The following CEP76 variants were observed in gnomAD, a reference collection of about 807,000 sequenced individuals.
The protein encoded by CEP76 is centrosomal protein of 76 kDa.
Under a neutral mutation model 83.3 loss-of-function variants are expected in CEP76, and 55 were observed. The ratio of observed to expected loss-of-function variants is 0.66; its 90% CI spans 0.53 to 0.83. The LOEUF is 0.83. CEP76 is among the 40% of genes least tolerant of loss of function. CEP76 has a pLI of 0.00. For missense variants in CEP76, 694 were observed against 799.5 expected (o/e 0.87, Z 1.59); for synonymous variants, 270 against 274.5 (o/e 0.98, Z 0.16).
intron 9 of CEP76, among the ~76,000 whole-genome samples, chr18:12,679,794 G>T (rs1156684777): frequency 6.6e-6 from 1 of 152,142 alleles, no homozygotes; most frequent in Non-Finnish European, 1.5e-5. Flanking sequence ...CAGGTGTGGT[G>T]GCTCATGCCT....
downstream of CEP76, among the ~76,000 whole-genome samples, chr18:12,669,327 G>A (rs1345619088): frequency 6.6e-6 from 1 of 151,896 alleles, no homozygotes; most frequent in Non-Finnish European, 1.5e-5. Flanking sequence ...GGTCAGGCTG[G>A]TCTCGAACTC....
In CEP76 at chr18:12,678,108, C is replaced by T. The variant is rs1376919708; in HGVS notation, c.1623+1G>A. The T allele has an allele frequency of 6.2e-7, 1 of 1,605,462 alleles. No individual in the cohort carries two copies. On this transcript the variant is annotated splice_donor_variant, in intron 10 of 11. Coordinates refer to ENST00000262127, the MANE Select transcript of CEP76 (RefSeq NM_024899.4). LOFTEE classifies it high-confidence loss of function. The stretch of plus-strand genomic sequence containing the variant: ...ACTACAACTATTTCAGTGTGAATTA[C>T]CTTCCTGTGTTCTGACACCAGGAGC...
At position 12,673,512 on chromosome 18, in the gene CEP76, G is replaced by GAA; in HGVS notation, c.1842-11_1842-10dup. On this transcript the variant is annotated splice_polypyrimidine_tract_variant and intron_variant, in intron 11 of 11. Transcript: ENST00000262127. ...CTTCACAGAAAGGAGATCTATTTAA[G>GAA]AAAAAAAAAATTATTCAATTAAGAA... The GAA allele has an allele frequency of 4.0e-6, 6 of 1,502,728 alleles. No homozygotes were observed. Among genetic ancestry groups the GAA allele is most frequent in the Admixed American group, 2.4e-5 (1 of 42,352 alleles). 93.1% of individuals were successfully genotyped at this position (1,502,728 alleles called of 1,614,324 possible).
At chr18:12,699,272 G>T in intron 3 of CEP76, 69 bp from the exon 4 acceptor site, 1 of 1,130,530 alleles carries the variant, frequency 8.8e-7, no homozygotes, top group Non-Finnish European at 1.3e-6. Flanking sequence ...AAGACATTAG[G>T]AAATAAAAAC....
rs1203758039 is a variant in CEP76 at position 12,697,315 on chromosome 18, G to T, written c.614C>A (p.Thr205Lys). The T allele has an allele frequency of 6.2e-7, 1 of 1,613,704 alleles. No individual in the cohort carries two copies. The highest frequency in any genetic ancestry group is 2.2e-5 in the East Asian group (1 of 44,854). ...CAGAAAATATGATGCTACTAAAGTCGTCTCACCAAATATGTCTGTTTTGAT... is the reference window on the plus strand; with the variant it reads ...CAGAAAATATGATGCTACTAAAGTCTTCTCACCAAATATGTCTGTTTTGAT... ...VLIKTDIFGE[T>K]TLVASYFLEW... The change falls in exon 5 of 12, where the codon ACG becomes AAG. Residue 205 changes from threonine to lysine, a missense_variant. Transcript: ENST00000262127.
chr18:12,670,257 G>A (rs547156583), downstream of CEP76, among the ~76,000 whole-genome samples: 3 of 151,732 alleles, frequency 2.0e-5, no homozygotes, highest in African/African-American at 7.3e-5. Flanking sequence ...TTGAACCTGC[G>A]AGGTGGAGGT....
At chr18:12,698,286 T>C (rs968254821) in intron 4 of CEP76, among the ~76,000 whole-genome samples, 1 of 152,022 alleles carries the variant, frequency 6.6e-6, no homozygotes, top group Admixed American at 6.6e-5. Flanking sequence ...TGGAGTGCAA[T>C]GGGGTGATCT....
At position 12,681,437 on chromosome 18, in the gene CEP76, CAG is replaced by C. The variant is rs143749900; in HGVS notation, c.1123-611_1123-610del. ...AATTTTAAAATTTTTTTTGTATAAA[CAG>C]GGGTCTTACTGTGTTACCCAGGCTG... On this transcript the variant is annotated intron_variant, in intron 8 of 11. Transcript: ENST00000262127. Among the ~76,000 whole-genome samples, 1,398 of 151,682 alleles carry C rather than the reference CAG, an allele frequency of 9.2e-3. 27 individuals are homozygous for C. Among genetic ancestry groups the C allele is most frequent in the African/African-American group, 0.033 (1,346 of 41,394 alleles).
intron 12 of CEP76, among the ~76,000 whole-genome samples, chr18:12,667,485 G>C (rs1416196082): frequency 6.6e-6 from 1 of 152,128 alleles, no homozygotes; most frequent in Non-Finnish European, 1.5e-5. Flanking sequence ...TATTCGGCCA[G>C]GCCGGGTGGC....
At chr18:12,699,696 T>A in intron 3 of CEP76, 134 bp downstream of exon 3, 1 of 571,886 alleles carries the variant, frequency 1.7e-6, no homozygotes, top group Non-Finnish European at 3.0e-6. Flanking sequence ...ACAATCTGTT[T>A]TAGCCAACCA....
At chr18:12,690,957 C>A (rs977912633) in intron 7 of CEP76, among the ~76,000 whole-genome samples, 1 of 147,936 alleles carries the variant, frequency 6.8e-6, no homozygotes, top group Non-Finnish European at 1.5e-5. Context: ...CCGTTCTGCA[C>A]ACAAGAGCTG....
Position 12,702,653 on chromosome 18 carries a change from C to G in CEP76, c.-105G>C, listed in dbSNP as rs1231930616. 7.5e-7 allele frequency: 1 copy of G among 1,324,884 alleles called. No homozygotes were observed. Among genetic ancestry groups the G allele is most frequent in the Non-Finnish European group, 1.0e-6 (1 of 981,576 alleles). 82.1% of individuals were successfully genotyped at this position (1,324,884 alleles called of 1,614,324 possible). On this transcript the variant is annotated 5_prime_UTR_variant, in exon 1 of 12. Coordinates refer to ENST00000262127, the MANE Select transcript of CEP76 (RefSeq NM_024899.4). ...TTAGGAGCGACTGGAGCACAAAGCG[C>G]CGCAGCCGTTCGCCTAGCGCAGCTC...
intron 4 of CEP76, among the ~76,000 whole-genome samples, chr18:12,698,285 A>G (rs1012457792): frequency 4.3e-4 from 66 of 151,956 alleles, no homozygotes; most frequent in Non-Finnish European, 7.8e-4. Context: ...CTGGAGTGCA[A>G]TGGGGTGATC....
At chr18:12,680,297 A>T (rs2039298755) in intron 9 of CEP76, among the ~76,000 whole-genome samples, 1 of 152,136 alleles carries the variant, frequency 6.6e-6, no homozygotes, top group South Asian at 2.1e-4. Flanking sequence ...CTTATAATTT[A>T]AAATACTTAT....
chr18:12,681,384 C>G (rs1167029298), intron 8 of CEP76, among the ~76,000 whole-genome samples: 1 of 150,608 alleles, frequency 6.6e-6, no homozygotes, highest in Non-Finnish European at 1.5e-5. Flanking sequence ...GTAGCTGGGA[C>G]TAAAGGTGTG....
chr18:12,687,775 CAG>C (rs1369141662), intron 7 of CEP76, among the ~76,000 whole-genome samples: 1 of 151,332 alleles, frequency 6.6e-6, no homozygotes. Context: ...ATTTTTAAAA[CAG>C]AGGATTATTA....
rs1031384964 is a variant in CEP76 at position 12,702,705 on chromosome 18, CG to C, written c.-158del. 2.9e-5 allele frequency: 23 copies of C among 800,868 alleles called. No homozygotes were observed. The Middle Eastern group carries it at 1.1e-3, about 39-fold the overall frequency. 49.6% of individuals were successfully genotyped at this position (800,868 alleles called of 1,614,324 possible). Reference sequence around the variant, plus strand: ...CGGGGGACGCAACGCCGCGTCAGGCCGGGGGCTGACCTGGAAATGAGGCCCC... The same window carrying C: ...CGGGGGACGCAACGCCGCGTCAGGCCGGGGCTGACCTGGAAATGAGGCCCC... On this transcript the variant is annotated 5_prime_UTR_variant, in exon 1 of 12. Coordinates refer to ENST00000262127, the MANE Select transcript of CEP76 (RefSeq NM_024899.4).
At chr18:12,670,687 T>C (rs941547086), downstream of CEP76, 16 of 152,020 alleles carry the variant, frequency 1.1e-4, no homozygotes, top group African/African-American at 3.9e-4. Flanking sequence ...TTTTTTTCTT[T>C]GAGATAGGGT....
Position 12,702,601 on chromosome 18 carries a change from GCGCGGC to G in CEP76, c.-59_-54del. On this transcript the variant is annotated 5_prime_UTR_variant, in exon 1 of 12. Coordinates refer to ENST00000262127, the MANE Select transcript of CEP76 (RefSeq NM_024899.4). ...TCTCCCCGCCTCAGATGCCCTAACT[GCGCGGC>G]CCCGGCCGGGCCAGGGAGCGTTAGG... 6.4e-7 allele frequency: 1 copy of G among 1,566,096 alleles called. No homozygotes were observed. The highest frequency in any genetic ancestry group is 8.6e-7 in the Non-Finnish European group (1 of 1,160,828).
Sources: allele counts gnomAD v4.1 joint callset (sites outside exome capture counted in the v4.1 genomes callset), GRCh38; gene constraint gnomAD v4.1.1; transcripts MANE v1.5; gene names NCBI Gene and HGNC (gene_info 2026-07-23, HGNC 2026-07-21).